The following NF1 variants were observed in gnomAD, a reference collection of about 807,000 sequenced individuals.
The protein encoded by NF1 is neurofibromin 1.
Under a neutral mutation model 325.7 loss-of-function variants are expected in NF1, and 122 were observed. The observed-to-expected ratio is 0.37, with a 90% confidence interval of 0.32 to 0.44. NF1 has a LOEUF of 0.44. NF1 is among the 20% of genes least tolerant of loss of function. The pLI is 1.00. For missense variants in NF1, 2,140 were observed against 3,415.4 expected (o/e 0.63, Z 9.31); for synonymous variants, 1,091 against 1,186.0 (o/e 0.92, Z 1.65).
intron 36 of NF1, among the ~76,000 whole-genome samples, chr17:31,312,267 T>C (rs1264040000): frequency 2.6e-5 from 4 of 152,106 alleles, no homozygotes; most frequent in African/African-American, 9.7e-5. Flanking sequence ...CCCAGCACTT[T>C]GGGAGGCCGA....
intron 24 of NF1, among the ~76,000 whole-genome samples, 194 bp from the exon 25 acceptor site, chr17:31,231,879 C>T (rs1017889243): frequency 6.6e-6 from 1 of 151,968 alleles, no homozygotes; most frequent in African/African-American, 2.4e-5. Flanking sequence ...ACCTTCTCCC[C>T]ATTTGAGATG....
intron 29 of NF1, among the ~76,000 whole-genome samples, chr17:31,237,932 A>G (rs2067231010): frequency 6.6e-6 from 1 of 152,178 alleles, no homozygotes; most frequent in South Asian, 2.1e-4. Flanking sequence ...CTTGAAAGTC[A>G]ACACTCCTGT....
rs192155593 is a variant in NF1, at chr17:31,262,973, A to G, written c.4724+1116A>G. On this transcript the variant is annotated intron_variant, in intron 35 of 57. Coordinates refer to ENST00000358273, the MANE Select transcript of NF1 (RefSeq NM_001042492.3). ...CAAGGTGAGAGAATTGCTGGAGGCC[A>G]GGAGTTCAAGACCAGCCTGGGCAAC... is the stretch of plus-strand genomic sequence containing the variant. 2.6e-3 allele frequency among the ~76,000 whole-genome samples: 393 copies of G among 152,286 alleles called. 1 individual carries two copies. The highest frequency in any genetic ancestry group is 4.6e-3 in the Non-Finnish European group (310 of 68,024).
At chr17:31,338,585 GA>G (rs2069739636) in intron 45 of NF1, 118 bp from the exon 46 acceptor site, 1 of 726,826 alleles carries the variant, frequency 1.4e-6, no homozygotes, top group Non-Finnish European at 2.5e-6. Flanking sequence ...CATAGCATGA[GA>G]AATCATTCTA....
intron 35 of NF1, 150 bp from the exon 36 acceptor site, chr17:31,265,079 G>T (rs2067761231): frequency 1.7e-6 from 1 of 572,800 alleles, no homozygotes; most frequent in Admixed American, 3.1e-5. Flanking sequence ...GAAATTTTTG[G>T]TGCATGTTGC....
At chr17:31,140,521 A>G (rs1207171815) in intron 1 of NF1, among the ~76,000 whole-genome samples, 1 of 152,242 alleles carries the variant, frequency 6.6e-6, no homozygotes, top group Non-Finnish European at 1.5e-5. Flanking sequence ...TATCCTTAGA[A>G]TCAGTTATCA....
intron 20 of NF1, among the ~76,000 whole-genome samples, chr17:31,228,152 G>C (rs1372739575): frequency 6.6e-6 from 1 of 152,186 alleles, no homozygotes; most frequent in Non-Finnish European, 1.5e-5. Flanking sequence ...TAGAGTAAAT[G>C]AAATTTTAAA....
At chr17:31,208,284 A>G (rs1040688427) in intron 12 of NF1, among the ~76,000 whole-genome samples, 1 of 152,210 alleles carries the variant, frequency 6.6e-6, no homozygotes, top group African/African-American at 2.4e-5. Flanking sequence ...ATGTATGTAT[A>G]TTTGTACATA....
chr17:31,142,940 C>T (rs1216561363), intron 1 of NF1, among the ~76,000 whole-genome samples: 2 of 151,594 alleles, frequency 1.3e-5, no homozygotes, highest in African/African-American at 4.8e-5. Context: ...TTTGAATTGC[C>T]CCTTGTTTCT....
At chr17:31,313,969 A>G (rs2068957677) in intron 36 of NF1, 1 of 398,008 alleles carries the variant, frequency 2.5e-6, no homozygotes, top group Non-Finnish European at 4.4e-6. Flanking sequence ...TTGTGTGAAA[A>G]TTTTCTTACC....
intron 50 of NF1, among the ~76,000 whole-genome samples, chr17:31,350,587 A>C (rs1212940536): frequency 6.6e-6 from 1 of 152,182 alleles, no homozygotes; most frequent in African/African-American, 2.4e-5. Flanking sequence ...GATGCTCTTG[A>C]AAATATTAGG....
At chr17:31,218,866 C>T in intron 13 of NF1, 139 bp from the exon 14 acceptor site, 1 of 871,448 alleles carries the variant, frequency 1.1e-6, no homozygotes, top group Non-Finnish European at 1.8e-6. Context: ...ACCACCGCGT[C>T]CAGCCTAGTT....
At chr17:31,361,530 T>G (rs1448655036) in intron 57 of NF1, 1 of 152,218 alleles carries the variant, frequency 6.6e-6, no homozygotes, top group Non-Finnish European at 1.5e-5. Flanking sequence ...TGTTTTCTAT[T>G]TAGAAAGATA....
intron 1 of NF1, among the ~76,000 whole-genome samples, chr17:31,145,543 C>G (rs1393355030): frequency 6.6e-6 from 1 of 152,128 alleles, no homozygotes; most frequent in African/African-American, 2.4e-5. Context: ...AATGTCACAT[C>G]TTCAGAGAGC....
chr17:31,362,190 G>A (rs1054856695), intron 57 of NF1: 1 of 392,986 alleles, frequency 2.5e-6, no homozygotes, highest in Non-Finnish European at 3.5e-6. Flanking sequence ...CACTAGAATT[G>A]GAGAAGCACT....
chr17:31,334,772 T>A, intron 39 of NF1, 66 bp from the exon 40 acceptor site: 1 of 1,313,820 alleles, frequency 7.6e-7, no homozygotes, highest in Non-Finnish European at 1.1e-6. Flanking sequence ...CCGAATTCTT[T>A]ATGTTAAATA....
intron 36 of NF1, among the ~76,000 whole-genome samples, chr17:31,287,542 CTGTGTGTG>C (rs59906241): frequency 0.15 from 22,123 of 145,518 alleles, 2,114 homozygotes; most frequent in East Asian, 0.44. Flanking sequence ...TCATTCATAA[CTGTGTGTG>C]TGTGTGTGTG....
In NF1 at chr17:31,325,940, T is replaced by C. The variant is rs1597829740; in HGVS notation, c.4956T>C (p.Asn1652=). Residue 1652 remains asparagine, a synonymous_variant, in exon 37 of 58, where the codon AAT becomes AAC. Coordinates refer to ENST00000358273, the MANE Select transcript of NF1 (RefSeq NM_001042492.3). ...ACCTTACCCATACCGGGCCTAGCAA[T>C]CGCTTTAAAACAGACTTTCTCTCTA... ...VVDLTHTGPS[N]RFKTDFLSKW... is the part of the protein sequence containing the mutation. 6 of 1,614,198 alleles carry C rather than the reference T, an allele frequency of 3.7e-6. No homozygotes were observed. The highest frequency in any genetic ancestry group is 5.1e-6 in the Non-Finnish European group (6 of 1,180,046).
intron 14 of NF1, among the ~76,000 whole-genome samples, chr17:31,220,952 A>G (rs1454037966): frequency 1.3e-5 from 2 of 152,154 alleles, no homozygotes; most frequent in Non-Finnish European, 2.9e-5. Flanking sequence ...TCAACAATTA[A>G]TTGCAATTTT....
Sources: gnomAD v4.1 joint callset for allele counts (sites outside exome capture counted in the v4.1 genomes callset) on GRCh38, gnomAD v4.1.1 for gene constraint, MANE v1.5 for transcripts, NCBI Gene and HGNC (gene_info 2026-07-23, HGNC 2026-07-21) for gene names.